ADAMTS9: variants seen among roughly 807,000 people sequenced by gnomAD.
ADAMTS9 encodes the protein A disintegrin and metalloproteinase with thrombospondin motifs 9.
In ADAMTS9, 107 loss-of-function variants were observed where a neutral mutation model predicts 257.1. That is an observed-to-expected ratio of 0.42 (90% CI 0.36 to 0.49). The LOEUF (loss-of-function observed/expected upper bound fraction) is 0.49. ADAMTS9 is among the 20% of genes least tolerant of loss of function. The probability of loss-of-function intolerance (pLI) is 0.03; values close to 1 mark genes in which losing one functional copy is unlikely to be tolerated. For synonymous variants in ADAMTS9, 982 were observed against 880.9 expected (o/e 1.11, Z -2.03); for missense variants, 2,353 against 2,469.1 (o/e 0.95, Z 1.00).
Position 64,668,054 on chromosome 3 carries a change from G to A in ADAMTS9, c.680-9263C>T, listed in dbSNP as rs547669604. 9.4e-4 allele frequency among the ~76,000 whole-genome samples: 143 copies of A among 152,094 alleles called. 2 individuals are homozygous for A. Among genetic ancestry groups the A allele is most frequent in the Non-Finnish European group, 1.7e-3 (118 of 68,024 alleles). On this transcript the variant is annotated intron_variant, in intron 3 of 39. Coordinates refer to ENST00000498707, the MANE Select transcript of ADAMTS9 (RefSeq NM_182920.2). ...ATTCACTCCATCTCTTAGCAGTAGC[G>A]GGAGAGTGACCTTTCCGCCTGTCAG...
Position 64,541,336 on chromosome 3 carries a change from C to T in ADAMTS9, c.5371G>A (p.Glu1791Lys), listed in dbSNP as rs3796381. 6.8e-6 allele frequency: 11 copies of T among 1,614,036 alleles called. 1 individual carries two copies. The highest frequency in any genetic ancestry group is 6.7e-5 in the African/African-American group (5 of 74,912). Residue 1791 changes from glutamate to lysine, a missense_variant, in exon 35 of 40, where the codon GAG becomes AAG. Glu to Lys is a moderately conservative substitution (Grantham distance 56, BLOSUM62 1). Coordinates refer to ENST00000498707, the MANE Select transcript of ADAMTS9 (RefSeq NM_182920.2). Reference sequence around the variant, plus strand: ...CTCTCCTACCTGTGCCCATAAACCTCGGAGAAATTCTCAGAGTCTCCATGC... The same window carrying T: ...CTCTCCTACCTGTGCCCATAAACCTTGGAGAAATTCTCAGAGTCTCCATGC... ...LVHGDSENFS[E>K]VYGHRLHNPT...
intron 3 of ADAMTS9, among the ~76,000 whole-genome samples, chr3:64,665,553 A>AATG (rs1316856070): frequency 1.3e-5 from 2 of 152,220 alleles, no homozygotes; most frequent in Admixed American, 6.5e-5. Flanking sequence ...GCCAGTCACA[A>AATG]AGTCATAAAG....
chr3:64,579,800 G>A (rs1024542592), intron 28 of ADAMTS9, among the ~76,000 whole-genome samples: 1 of 152,160 alleles, frequency 6.6e-6, no homozygotes, highest in Non-Finnish European at 1.5e-5. Context: ...GCTGTCTCCT[G>A]TCTCTTATAT....
Position 64,604,313 on chromosome 3 carries a change from A to G in ADAMTS9, c.3493T>C (p.Cys1165Arg), listed in dbSNP as rs746504638. The change falls in exon 24 of 40, where the codon TGT (cysteine) becomes CGT (arginine). Residue 1165 changes from cysteine to arginine, a missense_variant. Physicochemically the swap from Cys to Arg is radical, Grantham distance 180 (BLOSUM62 -3). Transcript: ENST00000498707. ...TCCGGGGCAGCTGGGGGAGGATGAC[A>G]TGATGGTAATTCACAGTCCTAGACG... Reference protein sequence around the residue: ...TDTQDCELPSCHPPPAAPETR... With the variant: ...TDTQDCELPSRHPPPAAPETR... 1 of 1,611,718 alleles carries G rather than the reference A, an allele frequency of 6.2e-7. No individual in the cohort carries two copies.
At position 64,636,913 on chromosome 3, in the gene ADAMTS9, G is replaced by A. The variant is rs75472648; in HGVS notation, c.1857-3034C>T. The stretch of plus-strand genomic sequence containing the variant: ...ATCCCTGGACTATTCTTGTGTCACT[G>A]TCCTACGTTCCAAATTCTGTCACTG... On this transcript the variant is annotated intron_variant, in intron 12 of 39. Coordinates refer to ENST00000498707, the MANE Select transcript of ADAMTS9 (RefSeq NM_182920.2). 2.1e-3 allele frequency among the ~76,000 whole-genome samples: 318 copies of A among 152,280 alleles called. 6 individuals are homozygous for A. The East Asian group carries it at 0.044, about 21-fold the overall frequency.
Position 64,652,964 on chromosome 3 carries a change from G to A in ADAMTS9, c.1316+1389C>T, listed in dbSNP as rs188983988. ...AAAATATCATATAAAATTACCTCTA[G>A]GCTATGTGCATAAGGTATACATGAA... On this transcript the variant is annotated intron_variant, in intron 8 of 39. Coordinates refer to ENST00000498707, the MANE Select transcript of ADAMTS9 (RefSeq NM_182920.2). Among the ~76,000 whole-genome samples, 668 of 152,148 alleles carry A rather than the reference G, an allele frequency of 4.4e-3. 3 individuals are homozygous for A. Among genetic ancestry groups the A allele is most frequent in the African/African-American group, 0.015 (630 of 41,492 alleles).
intron 30 of ADAMTS9, among the ~76,000 whole-genome samples, chr3:64,554,122 T>C (rs1391125057): frequency 1.3e-5 from 2 of 152,180 alleles, no homozygotes; most frequent in African/African-American, 2.4e-5. Context: ...TTGTTTTCAC[T>C]AATCCACAAG....
rs1190815128 is a variant in ADAMTS9 at position 64,596,970 on chromosome 3, C to T, written c.4039G>A (p.Gly1347Arg). 5.0e-6 allele frequency: 8 copies of T among 1,613,786 alleles called. No homozygotes were observed. Among genetic ancestry groups the T allele is most frequent in the Admixed American group, 1.7e-5 (1 of 59,986 alleles). ...CATACAACAACACGCCGCTGGGATC[C>T]GCCAGCACAGGTACTGGAACACTAA... ...WGACSSTCAG[G>R]SQRRVVVCQD... Residue 1347 changes from glycine (G) to arginine (R), a missense_variant, in exon 27 of 40, where the codon GGA becomes AGA. Physicochemically the swap from Gly to Arg is moderately radical, Grantham distance 125. Transcript: ENST00000498707.
intron 4 of ADAMTS9, chr3:64,656,122 A>T (rs867406372): frequency 6.2e-5 from 24 of 387,300 alleles, no homozygotes; most frequent in Middle Eastern, 7.2e-4. Context: ...TTGCCACGTG[A>T]CTTAACAGTT....
At chr3:64,672,907 A>G (rs1189364776) in intron 3 of ADAMTS9, among the ~76,000 whole-genome samples, 1 of 151,896 alleles carries the variant, frequency 6.6e-6, no homozygotes, top group Non-Finnish European at 1.5e-5. Context: ...AGATCGTAAT[A>G]CTAAATTTTT....
chr3:64,668,957 G>A (rs1701416774), intron 3 of ADAMTS9, among the ~76,000 whole-genome samples: 1 of 152,096 alleles, frequency 6.6e-6, no homozygotes, highest in South Asian at 2.1e-4. Context: ...CAGGCACTGA[G>A]GACTGGTTTA....
chr3:64,676,125 A>G (rs1244282534), intron 3 of ADAMTS9, among the ~76,000 whole-genome samples: 1 of 152,196 alleles, frequency 6.6e-6, no homozygotes, highest in Non-Finnish European at 1.5e-5. Flanking sequence ...AACCAGCCAC[A>G]GATGTCCCAA....
chr3:64,639,312 TAA>T (rs761906399), intron 12 of ADAMTS9, among the ~76,000 whole-genome samples: 33,048 of 88,238 alleles, frequency 0.37, 6,209 homozygotes, highest in Non-Finnish European at 0.4. Flanking sequence ...TTTTTTTTTT[TAA>T]AAAAAAAAAA....
chr3:64,622,252 G>T lies in ADAMTS9; in HGVS notation c.2632C>A (p.Gln878Lys), dbSNP rs761263541. The T allele has an allele frequency of 6.2e-7, 1 of 1,613,956 alleles. No homozygotes were observed. Among genetic ancestry groups the T allele is most frequent in the East Asian group, 2.2e-5 (1 of 44,850 alleles). Residue 878 changes from glutamine to lysine, a missense_variant, in exon 18 of 40, where the codon CAG becomes AAG. Gln to Lys is a moderately conservative substitution (Grantham distance 53, BLOSUM62 1). Coordinates refer to ENST00000498707, the MANE Select transcript of ADAMTS9 (RefSeq NM_182920.2). ...GGCCCATGACTGTTCCAGTAAAACT[G>T]CTGAGGTTTATCTTCAATTGGAATA... ...FNIPIEDKPQ[Q>K]FYWNSHGPWQ...
intron 21 of ADAMTS9, among the ~76,000 whole-genome samples, chr3:64,614,491 G>A (rs1263941156): frequency 6.6e-6 from 1 of 152,202 alleles, no homozygotes; most frequent in Non-Finnish European, 1.5e-5. Context: ...TGGGATAAGA[G>A]CATGGATGTA....
At chr3:64,612,530 T>G (rs892917656) in intron 22 of ADAMTS9, among the ~76,000 whole-genome samples, 1 of 152,164 alleles carries the variant, frequency 6.6e-6, no homozygotes, top group African/African-American at 2.4e-5. Context: ...CTGCTTCCAC[T>G]TGTTGCATGC....
chr3:64,539,325 G>T, intron 36 of ADAMTS9, 31 bp from the exon 37 acceptor site: 1 of 1,584,488 alleles, frequency 6.3e-7, no homozygotes, highest in Non-Finnish European at 8.7e-7. Flanking sequence ...TAAAGGCAGG[G>T]GAAGGTAAGA....
rs58292262 is a variant in ADAMTS9 at position 64,684,015 on chromosome 3, T to C, written c.516+2553A>G. Among the ~76,000 whole-genome samples the C allele has an allele frequency of 1.1e-3, 170 of 152,164 alleles. 4 individuals are homozygous for C. In the East Asian group the frequency reaches 0.028, roughly 25 times the overall value. ...TCCAAAGAAGGGTAGGATTTGAGCA[T>C]GTGAAGATGAGTGAGAAGACCAAGT... On this transcript the variant is annotated intron_variant, in intron 2 of 39. Transcript: ENST00000498707.
intron 16 of ADAMTS9, among the ~76,000 whole-genome samples, chr3:64,623,274 T>C (rs1576129176): frequency 6.6e-6 from 1 of 152,224 alleles, no homozygotes; most frequent in Non-Finnish European, 1.5e-5. Context: ...AAAGGCACTT[T>C]GGCTCTGCCT....
Sources: gnomAD v4.1 joint callset for allele counts (sites outside exome capture counted in the v4.1 genomes callset) on GRCh38, gnomAD v4.1.1 for gene constraint, MANE v1.5 for transcripts, NCBI Gene and HGNC (gene_info 2026-07-23, HGNC 2026-07-21) for gene names.